LRP5: variants seen among roughly 807,000 people sequenced by gnomAD.
LRP5 encodes LDL receptor related protein 5.
LRP5 carries 62 observed loss-of-function variants against 154.1 expected under a neutral mutation model. The observed-to-expected ratio is 0.40, with a 90% CI of 0.33 to 0.50. LRP5 has a LOEUF of 0.50. Ranked by LOEUF, LRP5 falls within the 20% of genes least tolerant of loss-of-function variation. The pLI is 0.55. For missense variants in LRP5, 1,915 were observed against 2,336.7 expected (o/e 0.82, Z 3.72); for synonymous variants, 966 against 1,011.5 (o/e 0.96, Z 0.85).
intron 3 of LRP5, among the ~76,000 whole-genome samples, chr11:68,359,260 A>G (rs1407940750): frequency 6.6e-6 from 1 of 152,076 alleles, no homozygotes; most frequent in Non-Finnish European, 1.5e-5. Context: ...CGGGACATCC[A>G]CTTCCAAGCT....
intron 13 of LRP5, among the ~76,000 whole-genome samples, chr11:68,421,037 C>T (rs11228234): frequency 1.5e-3 from 235 of 152,206 alleles, no homozygotes; most frequent in South Asian, 3.7e-3. Flanking sequence ...CCATCCTGGC[C>T]AACATGGTGA....
At chr11:68,433,931 G>T (rs991337326) in intron 18 of LRP5, 93 bp downstream of exon 18, 2 of 1,250,654 alleles carry the variant, frequency 1.6e-6, no homozygotes, top group South Asian at 1.3e-5. Flanking sequence ...AGGAGTAGGG[G>T]CTCTGAAAAC....
chr11:68,403,064 G>T (rs2098653507), intron 7 of LRP5, among the ~76,000 whole-genome samples: 2 of 152,134 alleles, frequency 1.3e-5, no homozygotes, highest in South Asian at 4.1e-4. Context: ...TGGTCAACAT[G>T]GTGAAACCCA....
chr11:68,432,128 G>A (rs375042759), intron 17 of LRP5, among the ~76,000 whole-genome samples: 45 of 152,252 alleles, frequency 3.0e-4, no homozygotes, highest in African/African-American at 1.0e-3. Flanking sequence ...TGAGCCGGGC[G>A]CGCCCCTGGC....
chr11:68,386,268 C>T lies in LRP5; in HGVS notation c.1016-48C>T. On this transcript the variant is annotated intron_variant, in intron 5 of 22. Coordinates refer to ENST00000294304, the MANE Select transcript of LRP5 (RefSeq NM_002335.4). The surrounding 1 kb of genome is among the most constrained non-coding windows in gnomAD (Gnocchi z 7.9). ...GGCCCACCCCAGGCCTAGACTTGTG[C>T]CTGCTGCAGGCCCTTGACCCCTGAC... 1.2e-6 allele frequency: 2 copies of T among 1,604,364 alleles called. No homozygotes were observed. Among genetic ancestry groups the T allele is most frequent in the Middle Eastern group, 1.7e-4 (1 of 5,970 alleles).
chr11:68,343,077 C>A (rs1484673870), intron 1 of LRP5, among the ~76,000 whole-genome samples: 1 of 152,190 alleles, frequency 6.6e-6, no homozygotes, highest in Non-Finnish European at 1.5e-5. Flanking sequence ...CCATGGGAGG[C>A]CTGTTGTCTG....
chr11:68,314,469 G>T (rs1469166991), intron 1 of LRP5, among the ~76,000 whole-genome samples: 1 of 152,228 alleles, frequency 6.6e-6, no homozygotes, highest in Non-Finnish European at 1.5e-5. Flanking sequence ...CTGCAGAACG[G>T]TTTTGATGTT....
At chr11:68,441,440 G>A (rs1177381102) in intron 21 of LRP5, among the ~76,000 whole-genome samples, 1 of 152,220 alleles carries the variant, frequency 6.6e-6, no homozygotes, top group Non-Finnish European at 1.5e-5. Context: ...TAGCAGAAGA[G>A]GGTTCTTCTT....
At chr11:68,424,719 G>A (rs1279016548) in intron 14 of LRP5, among the ~76,000 whole-genome samples, 1 of 152,212 alleles carries the variant, frequency 6.6e-6, no homozygotes, top group African/African-American at 2.4e-5. Context: ...GGGAACCTTT[G>A]GGCTTCTGGT....
chr11:68,314,201 G>C (rs1030491038), intron 1 of LRP5, among the ~76,000 whole-genome samples: 2 of 152,102 alleles, frequency 1.3e-5, no homozygotes, highest in African/African-American at 4.8e-5. Flanking sequence ...TTAAAGGGGG[G>C]GTTTCTAGGC....
Position 68,380,090 on chromosome 11 carries a change from G to A in LRP5, c.1016-6226G>A, listed in dbSNP as rs563538283. On this transcript the variant is annotated intron_variant, in intron 5 of 22. Coordinates refer to ENST00000294304, the MANE Select transcript of LRP5 (RefSeq NM_002335.4). ...AGAGGTTACAGTGAGTCGAGATCGCGCCACTGCACTCCAGCCTGGGCAATA... is the reference window on the plus strand; with the variant it reads ...AGAGGTTACAGTGAGTCGAGATCGCACCACTGCACTCCAGCCTGGGCAATA... Among the ~76,000 whole-genome samples, 10 of 152,338 alleles carry A rather than the reference G, an allele frequency of 6.6e-5. No individual in the cohort carries two copies. In the South Asian group the frequency reaches 1.4e-3, roughly 22 times the overall value.
intron 13 of LRP5, among the ~76,000 whole-genome samples, chr11:68,421,476 T>C (rs1417728204): frequency 6.6e-6 from 1 of 152,160 alleles, no homozygotes; most frequent in Non-Finnish European, 1.5e-5. Context: ...CCAGGGTAGC[T>C]GGAATCTTGC....
intron 21 of LRP5, among the ~76,000 whole-genome samples, chr11:68,444,818 C>T (rs1430257200): frequency 6.6e-6 from 1 of 152,110 alleles, no homozygotes; most frequent in Non-Finnish European, 1.5e-5. Context: ...GTAGGAAGCC[C>T]TCTCTGCTGC....
At chr11:68,368,893 G>A (rs2450879) in intron 5 of LRP5, among the ~76,000 whole-genome samples, 1 of 148,548 alleles carries the variant, frequency 6.7e-6, no homozygotes, top group Non-Finnish European at 1.5e-5. Flanking sequence ...CTGTTGTCCA[G>A]GTTGGAGTAC....
intron 5 of LRP5, among the ~76,000 whole-genome samples, chr11:68,379,717 A>G (rs936865754): frequency 1.3e-5 from 2 of 152,206 alleles, no homozygotes; most frequent in African/African-American, 2.4e-5. Flanking sequence ...TTTTTAGAGC[A>G]GTTTTAAGTT....
chr11:68,415,234 TG>T (rs1163414038), intron 12 of LRP5, among the ~76,000 whole-genome samples: 1 of 152,194 alleles, frequency 6.6e-6, no homozygotes, highest in Non-Finnish European at 1.5e-5. Context: ...AGCTTGATTC[TG>T]GGGCTGCCTT....
intron 8 of LRP5, 94 bp downstream of exon 8, chr11:68,403,793 A>C: frequency 1.2e-5 from 18 of 1,473,154 alleles, no homozygotes; most frequent in Non-Finnish European, 1.4e-5. Context: ...TGTTGAGCTC[A>C]GGTGCCCCGA....
chr11:68,299,530 CG>C, the LRP5 span, among the ~76,000 whole-genome samples: 3 of 140,934 alleles, frequency 2.1e-5, no homozygotes, highest in Admixed American at 7.1e-5. Context: ...TCAGTGTAGA[CG>C]GGGGTGTAGA....
intron 1 of LRP5, among the ~76,000 whole-genome samples, chr11:68,323,330 A>C (rs2098597822): frequency 5.9e-5 from 9 of 151,918 alleles, no homozygotes; most frequent in Admixed American, 5.9e-4. Context: ...GCTGGTCTCG[A>C]ACTTCTGACT....
Sources: gnomAD v4.1 joint callset for allele counts (sites outside exome capture counted in the v4.1 genomes callset) on GRCh38, gnomAD v4.1.1 for gene constraint, Gnocchi (gnomAD v3.1) non-coding constraint, MANE v1.5 for transcripts, NCBI Gene and HGNC (gene_info 2026-07-23, HGNC 2026-07-21) for gene names.